CELF2: variants seen among roughly 807,000 people sequenced by gnomAD.
The protein encoded by CELF2 is CUG triplet repeat RNA-binding protein 2.
A neutral mutation model predicts 62.6 loss-of-function variants in CELF2; 8 were observed. The observed-to-expected ratio is 0.13, with a 90% CI of 0.07 to 0.23. The LOEUF (loss-of-function observed/expected upper bound fraction) is 0.23. CELF2 is among the 10% of genes least tolerant of loss of function. The pLI is 1.00. For synonymous variants in CELF2, 258 were observed against 250.0 expected (o/e 1.03, Z -0.30); for missense variants, 333 against 671.0 (o/e 0.50, Z 5.56).
intron 2 of CELF2, among the ~76,000 whole-genome samples, chr10:10,942,760 A>G (rs1928724): frequency 0.36 from 54,441 of 152,016 alleles, 10,546 homozygotes; most frequent in East Asian, 0.8. Flanking sequence ...TAAAATTGCT[A>G]TATGATGGAG....
intron 1 of CELF2, among the ~76,000 whole-genome samples, chr10:11,114,972 T>TA (rs2056220175): frequency 6.6e-6 from 1 of 152,150 alleles, no homozygotes; most frequent in Non-Finnish European, 1.5e-5. Flanking sequence ...CAACATGTAG[T>TA]ATATGTACCT....
intron 1 of CELF2, among the ~76,000 whole-genome samples, chr10:10,864,705 A>G (rs1458529494): frequency 6.6e-6 from 1 of 152,122 alleles, no homozygotes; most frequent in Admixed American, 6.6e-5. Flanking sequence ...TCACCTCTCA[A>G]AGGCTCCATC....
At chr10:10,969,858 A>G (rs72772071) in intron 2 of CELF2, among the ~76,000 whole-genome samples, 19,521 of 152,100 alleles carry the variant, frequency 0.13, 1,324 homozygotes, top group Middle Eastern at 0.24. Context: ...CATCTATAGG[A>G]AGTTGGGTGG....
chr10:10,701,532 C>T, the CELF2 span, among the ~76,000 whole-genome samples: 1 of 152,226 alleles, frequency 6.6e-6, no homozygotes, highest in Non-Finnish European at 1.5e-5. Flanking sequence ...TGCGTCCTTT[C>T]AATTTTATCC....
At chr10:10,521,274 G>T in the CELF2 span, among the ~76,000 whole-genome samples, 1 of 152,120 alleles carries the variant, frequency 6.6e-6, no homozygotes, top group Non-Finnish European at 1.5e-5. Flanking sequence ...ATGACATCCT[G>T]GAAGTACCAT....
At chr10:11,233,098 C>T (rs973532251) in intron 3 of CELF2, among the ~76,000 whole-genome samples, 1 of 152,156 alleles carries the variant, frequency 6.6e-6, no homozygotes, top group African/African-American at 2.4e-5. Context: ...ACCTAGAATT[C>T]AGTAAAATTC....
chr10:10,622,816 G>A, the CELF2 span, among the ~76,000 whole-genome samples: 10 of 151,928 alleles, frequency 6.6e-5, no homozygotes, highest in Admixed American at 2.0e-4. Context: ...CAGGGAAGCC[G>A]GGCGCGGTGG....
chr10:10,485,315 C>T, the CELF2 span, among the ~76,000 whole-genome samples: 1 of 152,202 alleles, frequency 6.6e-6, no homozygotes, highest in African/African-American at 2.4e-5. Context: ...CATTGTTCAA[C>T]AGATGCTCTT....
intron 1 of CELF2, among the ~76,000 whole-genome samples, chr10:11,071,329 T>G (rs543007542): frequency 5.6e-4 from 85 of 152,176 alleles, no homozygotes; most frequent in Non-Finnish European, 2.2e-4. Context: ...TGGTTTACTC[T>G]TCACAACAAC....
At chr10:11,253,531 G>C (rs1035234265) in intron 4 of CELF2, among the ~76,000 whole-genome samples, 1 of 152,234 alleles carries the variant, frequency 6.6e-6, no homozygotes, top group Non-Finnish European at 1.5e-5. Context: ...TTTGGAGGCA[G>C]TAATTAAATG....
At chr10:10,479,114 A>C in the CELF2 span, among the ~76,000 whole-genome samples, 1 of 152,144 alleles carries the variant, frequency 6.6e-6, no homozygotes, top group African/African-American at 2.4e-5. Context: ...AGAATAAAGA[A>C]GTATTCTCTT....
In CELF2 at chr10:11,311,565, A is replaced by G. The variant is rs1176037836; in HGVS notation, c.977-2574A>G. ...CATTATTAGCATACAACAGAAAGGA[A>G]ATACAGCTAATATGTTTACATATTA... On this transcript the variant is annotated intron_variant, in intron 9 of 12. Coordinates refer to ENST00000633077, the MANE Select transcript of CELF2 (RefSeq NM_001326342.2). This position sits in a 1 kb window ranked among gnomAD's most constrained non-coding sequence, Gnocchi z 4.7. 6.6e-6 allele frequency among the ~76,000 whole-genome samples: 1 copy of G among 152,254 alleles called. No homozygotes were observed. The highest frequency in any genetic ancestry group is 1.5e-5 in the Non-Finnish European group (1 of 68,046).
intron 3 of CELF2, among the ~76,000 whole-genome samples, chr10:11,226,171 C>G (rs1366733155): frequency 5.3e-5 from 8 of 152,314 alleles, no homozygotes; most frequent in African/African-American, 1.9e-4. Flanking sequence ...GGCTCCATGG[C>G]TGTAGTTTAA....
intron 1 of CELF2, among the ~76,000 whole-genome samples, chr10:11,137,895 A>C (rs929080255): frequency 6.6e-6 from 1 of 152,216 alleles, no homozygotes; most frequent in Non-Finnish European, 1.5e-5. Context: ...TGTGTACCCA[A>C]AGAGGAGAAT....
At chr10:10,523,412 T>A in the CELF2 span, among the ~76,000 whole-genome samples, 1 of 152,184 alleles carries the variant, frequency 6.6e-6, no homozygotes, top group Admixed American at 6.5e-5. Flanking sequence ...TACTTCAACT[T>A]TTATTGTATT....
chr10:10,863,836 A>G (rs1379501724), intron 1 of CELF2, among the ~76,000 whole-genome samples: 3 of 152,170 alleles, frequency 2.0e-5, no homozygotes, highest in Non-Finnish European at 4.4e-5. Context: ...GCAGCCCACT[A>G]ACTTGTTTAA....
chr10:11,154,378 C>A (rs752043248), intron 1 of CELF2, among the ~76,000 whole-genome samples: 38 of 152,172 alleles, frequency 2.5e-4, no homozygotes, highest in Non-Finnish European at 4.9e-4. Context: ...TCTTAAGATA[C>A]AATTTAGGGA....
At chr10:10,955,734 C>T (rs557255355) in intron 2 of CELF2, among the ~76,000 whole-genome samples, 1 of 152,154 alleles carries the variant, frequency 6.6e-6, no homozygotes, top group Non-Finnish European at 1.5e-5. Context: ...TATTTTTAGC[C>T]ACCCACTCCT....
rs966289674 is a variant in CELF2, at chr10:10,938,777, C to T, written c.89+18778C>T. Among the ~76,000 whole-genome samples the T allele has an allele frequency of 1.3e-5, 2 of 152,144 alleles. No individual in the cohort carries two copies. The highest frequency in any genetic ancestry group is 4.8e-5 in the African/African-American group (2 of 41,422). ...AAGCCTGAGTGTAGGTGGGTTAGTG[C>T]CTGGACAACTCAGGCTCGAGCCCGC... On this transcript the variant is annotated intron_variant, in intron 2 of 13. Coordinates refer to the CELF2 transcript ENST00000636488. This position sits in a 1 kb window ranked among gnomAD's most constrained non-coding sequence, Gnocchi z 4.2.
Sources: allele counts gnomAD v4.1 joint callset (sites outside exome capture counted in the v4.1 genomes callset), GRCh38; gene constraint gnomAD v4.1.1; non-coding constraint Gnocchi (gnomAD v3.1); transcripts MANE v1.5; gene names NCBI Gene and HGNC (gene_info 2026-07-23, HGNC 2026-07-21).